PAQR5: variants seen among roughly 807,000 people sequenced by gnomAD.
PAQR5 encodes the protein membrane progestin receptor gamma.
Under a neutral mutation model 34.5 loss-of-function variants are expected in PAQR5, and 20 were observed. The ratio of observed to expected loss-of-function variants is 0.58; its 90% CI spans 0.41 to 0.84. The LOEUF (loss-of-function observed/expected upper bound fraction) is 0.84. PAQR5 is among the 40% of genes least tolerant of loss of function. The pLI is 0.00. For missense variants in PAQR5, 378 were observed against 412.7 expected, an observed-to-expected ratio of 0.92 and a Z score of 0.73; for synonymous variants, 131 against 155.6, an observed-to-expected ratio of 0.84 and a Z score of 1.18.
chr15:69,370,988 A>G (rs971832394), intron 3 of PAQR5, among the ~76,000 whole-genome samples: 2 of 152,230 alleles, frequency 1.3e-5, no homozygotes, highest in Non-Finnish European at 2.9e-5. Flanking sequence ...AAACATGCAT[A>G]ATTTATAAAT....
At chr15:69,364,819 A>G (rs2055352142) in intron 3 of PAQR5, among the ~76,000 whole-genome samples, 1 of 150,900 alleles carries the variant, frequency 6.6e-6, no homozygotes, top group Non-Finnish European at 1.5e-5. Flanking sequence ...GCTCACTGCA[A>G]CCTCCGCCTC....
At chr15:69,400,153 C>A (rs1184767669) in intron 8 of PAQR5, 38 bp downstream of exon 8, 8 of 1,588,798 alleles carry the variant, frequency 5.0e-6, no homozygotes, top group Non-Finnish European at 6.9e-6. Flanking sequence ...GCTCATTGCC[C>A]TCCTGACTGG....
chr15:69,338,273 G>C (rs1004629540), intron 2 of PAQR5, among the ~76,000 whole-genome samples: 1 of 152,156 alleles, frequency 6.6e-6, no homozygotes, highest in East Asian at 1.9e-4. Context: ...ATAGTATACT[G>C]TTGTTAGCTG....
chr15:69,325,074 T>G (rs1056443994), intron 1 of PAQR5, among the ~76,000 whole-genome samples: 2 of 152,098 alleles, frequency 1.3e-5, no homozygotes, highest in African/African-American at 4.8e-5. Flanking sequence ...AATTTTTGTA[T>G]TTTTAGTAGA....
At chr15:69,313,318 G>A (rs1414341487) in intron 1 of PAQR5, among the ~76,000 whole-genome samples, 1 of 152,162 alleles carries the variant, frequency 6.6e-6, no homozygotes, top group Non-Finnish European at 1.5e-5. Context: ...GGGCAACATA[G>A]TGAGACCCCC....
chr15:69,302,078 A>G (rs1220699102), intron 1 of PAQR5, among the ~76,000 whole-genome samples: 4 of 151,288 alleles, frequency 2.6e-5, no homozygotes, highest in Middle Eastern at 3.4e-3. Context: ...TCAGATATAT[A>G]TATTTGAGAC....
chr15:69,342,267 T>TTTATTA (rs144248170), intron 2 of PAQR5, among the ~76,000 whole-genome samples: 11 of 149,314 alleles, frequency 7.4e-5, no homozygotes, highest in East Asian at 4.0e-4. Context: ...TGTTTGTTCT[T>TTTATTA]TTATTATTAT....
At position 69,359,665 on chromosome 15, in the gene PAQR5, G is replaced by A. The variant is rs1421711837; in HGVS notation, c.-115-301G>A. Among the ~76,000 whole-genome samples the A allele has an allele frequency of 1.1e-4, 16 of 152,066 alleles. No individual in the cohort carries two copies. In the East Asian group the frequency reaches 1.4e-3, roughly 13 times the overall value. ...ACTACCAGGCCCAGGGTGTGGTGCC[G>A]GCTGTCTGCTTGTGGATTTCATTTC... On this transcript the variant is annotated intron_variant, in intron 2 of 8. Coordinates refer to ENST00000395407, the MANE Select transcript of PAQR5 (RefSeq NM_017705.4).
intron 4 of PAQR5, among the ~76,000 whole-genome samples, chr15:69,381,939 G>C (rs2055894882): frequency 6.6e-6 from 1 of 152,208 alleles, no homozygotes; most frequent in Admixed American, 6.5e-5. Flanking sequence ...CTCTAGGAGT[G>C]ATTTGTGGAA....
chr15:69,340,169 C>T (rs2054608613), intron 2 of PAQR5, among the ~76,000 whole-genome samples: 1 of 152,226 alleles, frequency 6.6e-6, no homozygotes, highest in East Asian at 1.9e-4. Context: ...CCCGGCCTCA[C>T]ATTAACACCT....
intron 1 of PAQR5, among the ~76,000 whole-genome samples, chr15:69,312,059 G>A (rs189190818): frequency 2.4e-4 from 36 of 152,278 alleles, no homozygotes; most frequent in Admixed American, 9.8e-4. Context: ...GAATGGAGAT[G>A]AGGAGATGCG....
chr15:69,316,616 CAGAGAAGGCATGTCCCTGGTCATA>C (rs2053957550), intron 1 of PAQR5, among the ~76,000 whole-genome samples: 2 of 152,110 alleles, frequency 1.3e-5, no homozygotes, highest in Admixed American at 1.3e-4. Context: ...TGGGACAGGC[CAGAGAAGGCATGTCCCTGGTCATA>C]AGTTAGAATG....
Position 69,311,103 on chromosome 15 carries a change from G to GGGATCTCT in PAQR5, c.-277+12049_-277+12056dup, listed in dbSNP as rs2053825810. Among the ~76,000 whole-genome samples the GGGATCTCT allele has an allele frequency of 2.7e-5, 4 of 150,900 alleles. No individual in the cohort carries two copies. The South Asian group carries it at 8.4e-4, about 32-fold the overall frequency. On this transcript the variant is annotated intron_variant, in intron 1 of 8. Transcript: ENST00000395407. ...TTGATGGAAGAGATTCACTAGAGAG[G>GGGATCTCT]GGATCTCTGATATGGAGGTCCCTGA... is the stretch of plus-strand genomic sequence containing the variant.
At chr15:69,398,516 C>T (rs1480358945) in intron 7 of PAQR5, among the ~76,000 whole-genome samples, 1 of 152,170 alleles carries the variant, frequency 6.6e-6, no homozygotes, top group African/African-American at 2.4e-5. Flanking sequence ...GTGAGTGAAG[C>T]TCCCTCCTAG....
At chr15:69,309,356 A>T (rs2053781820) in intron 1 of PAQR5, among the ~76,000 whole-genome samples, 1 of 152,208 alleles carries the variant, frequency 6.6e-6, no homozygotes, top group Non-Finnish European at 1.5e-5. Flanking sequence ...CCTGTGGAGC[A>T]CGAGTAAGTG....
chr15:69,319,360 T>G (rs2054041409), intron 1 of PAQR5, among the ~76,000 whole-genome samples: 1 of 151,022 alleles, frequency 6.6e-6, no homozygotes, highest in Non-Finnish European at 1.5e-5. Flanking sequence ...CCCCAGCTCC[T>G]TGTACTTCTG....
intron 6 of PAQR5, among the ~76,000 whole-genome samples, chr15:69,392,672 G>C (rs1377554174): frequency 6.6e-6 from 1 of 152,198 alleles, no homozygotes; most frequent in Admixed American, 6.5e-5. Flanking sequence ...ATTTCCGTTA[G>C]AGTGTAGCAG....
intron 3 of PAQR5, among the ~76,000 whole-genome samples, chr15:69,363,235 G>A (rs2055288492): frequency 6.6e-6 from 1 of 152,148 alleles, no homozygotes; most frequent in Admixed American, 6.5e-5. Flanking sequence ...GTGCATTCCT[G>A]GCTGATAGAT....
At chr15:69,315,004 G>A (rs190051430) in intron 1 of PAQR5, among the ~76,000 whole-genome samples, 2 of 152,148 alleles carry the variant, frequency 1.3e-5, no homozygotes, top group East Asian at 1.9e-4. Flanking sequence ...GTGATCTTAC[G>A]GACCACTCTG....
Sources: allele counts gnomAD v4.1 joint callset (sites outside exome capture counted in the v4.1 genomes callset), GRCh38; gene constraint gnomAD v4.1.1; transcripts MANE v1.5; gene names NCBI Gene and HGNC (gene_info 2026-07-23, HGNC 2026-07-21).